The following ZHX3 variants were observed in gnomAD, a reference collection of about 807,000 sequenced individuals.
The protein encoded by ZHX3 is zinc fingers and homeoboxes protein 3.
ZHX3 carries 20 observed loss-of-function variants against 64.5 expected under a neutral mutation model. The observed-to-expected ratio is 0.31, with a 90% CI of 0.22 to 0.45. The LOEUF (loss-of-function observed/expected upper bound fraction) is 0.45. ZHX3 is among the 20% of genes least tolerant of loss of function. The pLI is 1.00. For synonymous variants in ZHX3, 423 were observed against 461.6 expected (o/e 0.92, Z 1.07); for missense variants, 1,041 against 1,195.8 (o/e 0.87, Z 1.91).
At position 41,226,313 on chromosome 20, in the gene ZHX3, G is replaced by A. The variant is rs1162845776; in HGVS notation, c.-150-21247C>T. The stretch of plus-strand genomic sequence containing the variant: ...GGAGGTTGCAGTAAACTGAGATCGC[G>A]CCACTGAACTCCAGCCTGGGTGACA... On this transcript the variant is annotated intron_variant, in intron 2 of 3. Transcript: ENST00000683867. This position sits in a 1 kb window ranked among gnomAD's most constrained non-coding sequence, Gnocchi z 4.4. 6.6e-6 allele frequency among the ~76,000 whole-genome samples: 1 copy of A among 151,924 alleles called. No individual in the cohort carries two copies. The highest frequency in any genetic ancestry group is 2.4e-5 in the African/African-American group (1 of 41,352).
intron 1 of ZHX3, among the ~76,000 whole-genome samples, chr20:41,294,711 T>C (rs2044419425): frequency 6.6e-6 from 1 of 151,844 alleles, no homozygotes; most frequent in African/African-American, 2.4e-5. Flanking sequence ...CCACATTATT[T>C]ATTGATTGAT....
At chr20:41,190,005 GT>G (rs549779026) in intron 3 of ZHX3, among the ~76,000 whole-genome samples, 63 of 147,718 alleles carry the variant, frequency 4.3e-4, no homozygotes, top group East Asian at 9.9e-4. Context: ...TTTTCTGAGT[GT>G]TTTTTTTTTA....
intron 2 of ZHX3, among the ~76,000 whole-genome samples, chr20:41,255,804 T>C (rs1338548262): frequency 6.6e-6 from 1 of 152,172 alleles, no homozygotes; most frequent in Non-Finnish European, 1.5e-5. Context: ...GAGGTGTCCA[T>C]GCAGCAGAGA....
At chr20:41,208,385 C>T (rs761107135) in intron 2 of ZHX3, among the ~76,000 whole-genome samples, 10 of 151,894 alleles carry the variant, frequency 6.6e-5, no homozygotes, top group Non-Finnish European at 1.2e-4. Flanking sequence ...AGAGACACAA[C>T]AAAAAAAGAG....
chr20:41,215,195 T>G (rs1349273921), intron 2 of ZHX3, among the ~76,000 whole-genome samples: 1 of 152,126 alleles, frequency 6.6e-6, no homozygotes, highest in South Asian at 2.1e-4. Context: ...AGGCAGAGAT[T>G]GCAGTGAGCC....
intron 2 of ZHX3, among the ~76,000 whole-genome samples, chr20:41,266,908 C>A (rs985914866): frequency 1.5e-5 from 2 of 131,280 alleles, no homozygotes; most frequent in Non-Finnish European, 3.2e-5. Context: ...ACTGGAGTGC[C>A]GTCTCGGCTC....
intron 1 of ZHX3, among the ~76,000 whole-genome samples, chr20:41,304,764 A>T (rs527296587): frequency 6.6e-6 from 1 of 152,348 alleles, no homozygotes; most frequent in Admixed American, 6.5e-5. Context: ...AGTACCCAGG[A>T]GACAGGTACT....
At chr20:41,191,422 T>A (rs1345893826) in intron 3 of ZHX3, among the ~76,000 whole-genome samples, 2 of 152,204 alleles carry the variant, frequency 1.3e-5, no homozygotes, top group Non-Finnish European at 2.9e-5. Flanking sequence ...CCCAAATTGT[T>A]TTTCTTTTTC....
chr20:41,200,281 A>T lies in ZHX3; in HGVS notation c.2860+1776T>A, dbSNP rs2038109296. 6.6e-6 allele frequency among the ~76,000 whole-genome samples: 1 copy of T among 152,180 alleles called. No individual in the cohort carries two copies. The highest frequency in any genetic ancestry group is 1.5e-5 in the Non-Finnish European group (1 of 68,024). On this transcript the variant is annotated intron_variant, in intron 3 of 3. Transcript: ENST00000683867. The surrounding 1 kb of genome is among the most constrained non-coding windows in gnomAD (Gnocchi z 4.2). ...TGGTGCTGCTACTGCCATCTTCCAT[A>T]ACATCATTCTCCATGTCAGCTTTCG...
At chr20:41,295,819 C>A (rs1348728856) in intron 1 of ZHX3, among the ~76,000 whole-genome samples, 2 of 151,576 alleles carry the variant, frequency 1.3e-5, no homozygotes, top group East Asian at 1.9e-4. Flanking sequence ...CCACTGCACT[C>A]CAGCCTGGGC....
rs1479385065 is a variant in ZHX3, at chr20:41,228,297, C to T, written c.-150-23231G>A. Among the ~76,000 whole-genome samples the T allele has an allele frequency of 6.6e-6, 1 of 152,156 alleles. No individual in the cohort carries two copies. The highest frequency in any genetic ancestry group is 1.5e-5 in the Non-Finnish European group (1 of 68,026). On this transcript the variant is annotated intron_variant, in intron 2 of 3. Transcript: ENST00000683867. The surrounding 1 kb of genome is among the most constrained non-coding windows in gnomAD (Gnocchi z 4.6). Reference sequence around the variant, plus strand: ...AAAAACTACATGCATAAATTTCTGGCTCCGTTGACCCTGGCACTCACCCTT... The same window carrying T: ...AAAAACTACATGCATAAATTTCTGGTTCCGTTGACCCTGGCACTCACCCTT...
chr20:41,236,073 A>G (rs539229852), intron 2 of ZHX3, among the ~76,000 whole-genome samples: 1 of 152,364 alleles, frequency 6.6e-6, no homozygotes, highest in East Asian at 1.9e-4. Context: ...AGGGATGTGA[A>G]GGACCTCTTC....
intron 1 of ZHX3, among the ~76,000 whole-genome samples, chr20:41,283,501 G>C (rs2146701417): frequency 6.6e-6 from 1 of 152,336 alleles, no homozygotes; most frequent in African/African-American, 2.4e-5. Flanking sequence ...GCTCACGCCT[G>C]TAATCCCAGC....
chr20:41,236,148 C>T (rs2040969859), intron 2 of ZHX3, among the ~76,000 whole-genome samples: 1 of 152,210 alleles, frequency 6.6e-6, no homozygotes. Flanking sequence ...AAGAACATTC[C>T]ATGCTCATGG....
intron 1 of ZHX3, among the ~76,000 whole-genome samples, chr20:41,296,088 C>G (rs2044500746): frequency 6.6e-6 from 1 of 152,014 alleles, no homozygotes; most frequent in Admixed American, 6.6e-5. Flanking sequence ...CTTTGTTCAG[C>G]AACTGCCCAT....
rs984509248 is a variant in ZHX3, at chr20:41,278,750, T to G, written c.-244-9667A>C. ...TCATAGAAACAATCACTGCTGCTAATTTTTACTTTTCTCTGCACAGTTTTT... is the reference window on the plus strand; with the variant it reads ...TCATAGAAACAATCACTGCTGCTAAGTTTTACTTTTCTCTGCACAGTTTTT... On this transcript the variant is annotated intron_variant, in intron 1 of 3. Transcript: ENST00000683867. Among the ~76,000 whole-genome samples the G allele has an allele frequency of 3.5e-5, 5 of 141,240 alleles. 2 individuals are homozygous for G. In the South Asian group the frequency reaches 7.4e-4, roughly 21 times the overall value. 92.7% of individuals were successfully genotyped at this position (141,240 alleles called of 152,430 possible).
At chr20:41,246,963 T>C (rs1246579453) in intron 2 of ZHX3, among the ~76,000 whole-genome samples, 1 of 151,900 alleles carries the variant, frequency 6.6e-6, no homozygotes, top group African/African-American at 2.4e-5. Flanking sequence ...TGAACTCTTA[T>C]AAAGAGTATG....
intron 2 of ZHX3, among the ~76,000 whole-genome samples, chr20:41,220,672 GT>G (rs1032691106): frequency 6.6e-6 from 1 of 151,238 alleles, no homozygotes; most frequent in Non-Finnish European, 1.5e-5. Context: ...GTTTTTTTTG[GT>G]TTTTTTTGTT....
At chr20:41,297,199 G>T (rs1439966553) in intron 1 of ZHX3, among the ~76,000 whole-genome samples, 1 of 152,184 alleles carries the variant, frequency 6.6e-6, no homozygotes, top group East Asian at 1.9e-4. Context: ...TGCACATGCA[G>T]GCAGGATCTG....
Sources: allele counts gnomAD v4.1 joint callset (sites outside exome capture counted in the v4.1 genomes callset), GRCh38; gene constraint gnomAD v4.1.1; non-coding constraint Gnocchi (gnomAD v3.1); transcripts MANE v1.5; gene names NCBI Gene and HGNC (gene_info 2026-07-23, HGNC 2026-07-21).